The following SMAP1 variants were observed in gnomAD, a reference collection of about 807,000 sequenced individuals.
SMAP1 encodes stromal membrane-associated protein 1.
In SMAP1, 24 loss-of-function variants were observed where a neutral mutation model predicts 58.5. The ratio of observed to expected loss-of-function variants is 0.41; its 90% CI spans 0.30 to 0.58. SMAP1 has a LOEUF of 0.58. SMAP1 is among the 20% of genes least tolerant of loss of function. SMAP1 has a pLI of 0.29. For missense variants in SMAP1, 563 were observed against 566.3 expected (o/e 0.99, Z 0.06); for synonymous variants, 216 against 196.6 (o/e 1.10, Z -0.82).
At chr6:70,755,122 T>C (rs1313079225) in intron 3 of SMAP1, 57 bp downstream of exon 3, 2 of 1,335,260 alleles carry the variant, frequency 1.5e-6, no homozygotes, top group Non-Finnish European at 2.1e-6. Flanking sequence ...ATTTTTACAG[T>C]TCATATTTTA....
chr6:70,842,259 G>A (rs1366178470), intron 7 of SMAP1, among the ~76,000 whole-genome samples: 1 of 152,168 alleles, frequency 6.6e-6, no homozygotes, highest in Non-Finnish European at 1.5e-5. Context: ...TATGTTCAGT[G>A]AACTATTATT....
intron 1 of SMAP1, among the ~76,000 whole-genome samples, chr6:70,711,942 C>T (rs1232396644): frequency 6.6e-6 from 1 of 152,126 alleles, no homozygotes; most frequent in Non-Finnish European, 1.5e-5. Context: ...TAGGATTGCT[C>T]TTGCTAATAT....
chr6:70,861,712 A>AGAT lies in SMAP1; in HGVS notation c.*1379_*1381dup. 6.2e-7 allele frequency: 1 copy of AGAT among 1,614,102 alleles called. No homozygotes were observed. Among genetic ancestry groups the AGAT allele is most frequent in the Non-Finnish European group, 8.5e-7 (1 of 1,179,980 alleles). The stretch of plus-strand genomic sequence containing the variant: ...CAGGTGGTACTTTGGCTCGTTGGCT[A>AGAT]GATTAACCTTCTCTGTCCGAGTGTG... On this transcript the variant is annotated 3_prime_UTR_variant, in exon 11 of 11. Coordinates refer to ENST00000370455, the MANE Select transcript of SMAP1 (RefSeq NM_001044305.3).
chr6:70,770,628 G>T (rs927793374), intron 3 of SMAP1, among the ~76,000 whole-genome samples: 1 of 152,022 alleles, frequency 6.6e-6, no homozygotes, highest in Non-Finnish European at 1.5e-5. Flanking sequence ...CTCTATATTG[G>T]TTATTCTAGT....
chr6:70,772,636 T>G (rs1292061516), intron 3 of SMAP1, among the ~76,000 whole-genome samples: 1 of 152,178 alleles, frequency 6.6e-6, no homozygotes, highest in Non-Finnish European at 1.5e-5. Context: ...AATCCCAGTA[T>G]AAATTACTCA....
At chr6:70,686,146 G>C (rs2128553774) in intron 1 of SMAP1, among the ~76,000 whole-genome samples, 1 of 152,148 alleles carries the variant, frequency 6.6e-6, no homozygotes, top group Admixed American at 6.5e-5. Flanking sequence ...AAATTTCTGT[G>C]GTGAAGCTGA....
At chr6:70,791,579 G>C in intron 4 of SMAP1, 110 bp from the exon 5 acceptor site, 1 of 780,790 alleles carries the variant, frequency 1.3e-6, no homozygotes. Flanking sequence ...ATGCCTCTAA[G>C]TGCTTCTATA....
At chr6:70,801,105 A>G (rs1768829394) in intron 6 of SMAP1, among the ~76,000 whole-genome samples, 1 of 152,206 alleles carries the variant, frequency 6.6e-6, no homozygotes. Flanking sequence ...TGTCTTCCAC[A>G]ATAGTTGAAC....
At chr6:70,818,120 T>A (rs1769721318) in intron 6 of SMAP1, among the ~76,000 whole-genome samples, 1 of 151,974 alleles carries the variant, frequency 6.6e-6, no homozygotes. Context: ...CTGGAGTGTA[T>A]CAAATCTTCT....
At chr6:70,830,835 A>G (rs944176034) in intron 6 of SMAP1, among the ~76,000 whole-genome samples, 2 of 152,346 alleles carry the variant, frequency 1.3e-5, no homozygotes, top group East Asian at 3.8e-4. Context: ...AGACAAAGAG[A>G]ATCAAATGTG....
chr6:70,767,341 A>G (rs1036201849), intron 3 of SMAP1, among the ~76,000 whole-genome samples: 2 of 152,080 alleles, frequency 1.3e-5, no homozygotes, highest in African/African-American at 4.8e-5. Context: ...CTTGGGCAGT[A>G]TGGCCATTTT....
intron 7 of SMAP1, chr6:70,837,827 A>G (rs1222882808): frequency 1.6e-6 from 2 of 1,277,150 alleles, no homozygotes; most frequent in East Asian, 1.2e-4. Flanking sequence ...AGTTAGTTGA[A>G]GTGGAAGAGT....
rs2842082 is a variant in SMAP1 at position 70,680,371 on chromosome 6, A to G, written c.118+12230A>G. Among the ~76,000 whole-genome samples, 438 of 152,338 alleles carry G rather than the reference A, an allele frequency of 2.9e-3. 2 individuals carry two copies. Among genetic ancestry groups the G allele is most frequent in the African/African-American group, 0.01 (423 of 41,574 alleles). On this transcript the variant is annotated intron_variant, in intron 1 of 10. Transcript: ENST00000370455. ...TAAAATTAAAAACTTTTGCTTTTCAAGAGACACTTAAAAATCATAGATGGC... is the reference window on the plus strand; with the variant it reads ...TAAAATTAAAAACTTTTGCTTTTCAGGAGACACTTAAAAATCATAGATGGC...
chr6:70,784,379 A>C lies in SMAP1; in HGVS notation c.415-7310A>C, dbSNP rs199735144. On this transcript the variant is annotated intron_variant, in intron 4 of 10. Transcript: ENST00000370455. ...AATTGTAAAGACCTTCAAGGCTAGG[A>C]AGAAACTGCATCAACTAACAAGCAA... Among the ~76,000 whole-genome samples the C allele has an allele frequency of 4.2e-4, 64 of 152,338 alleles. No individual in the cohort carries two copies. In the East Asian group the frequency reaches 0.012, roughly 28 times the overall value.
intron 5 of SMAP1, among the ~76,000 whole-genome samples, chr6:70,793,782 C>T (rs1015955816): frequency 5.9e-5 from 9 of 151,862 alleles, no homozygotes; most frequent in South Asian, 2.1e-4. Context: ...AGTGCAGTGG[C>T]GCGATCTCGG....
chr6:70,702,213 G>T (rs937186617), intron 1 of SMAP1, among the ~76,000 whole-genome samples: 16 of 139,890 alleles, frequency 1.1e-4, no homozygotes, highest in African/African-American at 3.0e-4. Context: ...TTTCTTTTTT[G>T]GGGGGGGTTC....
At chr6:70,740,479 CAA>C (rs34150685) in intron 2 of SMAP1, among the ~76,000 whole-genome samples, 3 of 146,464 alleles carry the variant, frequency 2.0e-5, no homozygotes, top group South Asian at 2.1e-4. Flanking sequence ...AAAAAAAAAA[CAA>C]AAAAAAAACC....
intron 1 of SMAP1, among the ~76,000 whole-genome samples, chr6:70,708,406 A>T (rs186160053): frequency 7.9e-5 from 12 of 152,240 alleles, no homozygotes; most frequent in African/African-American, 2.9e-4. Context: ...CATCTTAACT[A>T]TTGGGAAAAA....
In SMAP1 at chr6:70,861,920, A is replaced by G; in HGVS notation, c.*1586A>G. Reference sequence around the variant, plus strand: ...ATTCTTGCATCCCTGGCTGGGATCCACGACGCTTAAATACAGCTTTTGGAT... The same window carrying G: ...ATTCTTGCATCCCTGGCTGGGATCCGCGACGCTTAAATACAGCTTTTGGAT... On this transcript the variant is annotated 3_prime_UTR_variant, in exon 11 of 11. Transcript: ENST00000370455. 1 of 1,614,052 alleles carries G rather than the reference A, an allele frequency of 6.2e-7. No homozygotes were observed. The highest frequency in any genetic ancestry group is 8.5e-7 in the Non-Finnish European group (1 of 1,179,956).
Sources: gnomAD v4.1 joint callset for allele counts (sites outside exome capture counted in the v4.1 genomes callset) on GRCh38, gnomAD v4.1.1 for gene constraint, MANE v1.5 for transcripts, NCBI Gene and HGNC (gene_info 2026-07-23, HGNC 2026-07-21) for gene names.